Variants in ZNF83 observed in about 807,000 individuals in gnomAD.
The protein encoded by ZNF83 is zinc finger protein 816B.
For missense variants in ZNF83, 552 were observed against 629.9 expected, an observed-to-expected ratio of 0.88 and a Z score of 1.32; for synonymous variants, 209 against 213.0, an observed-to-expected ratio of 0.98 and a Z score of 0.17.
intron 3 of ZNF83, among the ~76,000 whole-genome samples, chr19:52,645,565 G>T (rs1033136612): frequency 3.3e-5 from 5 of 152,120 alleles, no homozygotes; most frequent in African/African-American, 1.2e-4. Context: ...CCAGCACTCT[G>T]GGAGGCAAAG....
chr19:52,641,012 TGAG>T (rs1415582491), upstream of ZNF83, among the ~76,000 whole-genome samples: 1 of 152,068 alleles, frequency 6.6e-6, no homozygotes, highest in Non-Finnish European at 1.5e-5. Flanking sequence ...GGGGCCCAGC[TGAG>T]GAGAGAGCCC....
intron 2 of ZNF83, among the ~76,000 whole-genome samples, chr19:52,631,685 A>G (rs2060967575): frequency 1.3e-5 from 2 of 152,142 alleles, no homozygotes; most frequent in South Asian, 4.1e-4. Context: ...TCTCTGATCC[A>G]TCTGACATTC....
chr19:52,654,058 T>G, intron 3 of ZNF83: 1 of 1,591,988 alleles, frequency 6.3e-7, no homozygotes, highest in Admixed American at 1.7e-5. Context: ...CTTCTCCACT[T>G]GATTATCAAT....
intron 1 of ZNF83, among the ~76,000 whole-genome samples, chr19:52,677,300 G>C (rs111482160): frequency 0.28 from 37,260 of 133,202 alleles, 5,218 homozygotes; most frequent in East Asian, 0.54. Flanking sequence ...CAGACAAATT[G>C]AGAAGTAAAA....
At chr19:52,659,643 C>T (rs1469383787) in intron 2 of ZNF83, among the ~76,000 whole-genome samples, 1 of 144,312 alleles carries the variant, frequency 6.9e-6, no homozygotes, top group Non-Finnish European at 1.5e-5. Context: ...CCAGAAGTCA[C>T]AGAAGTGAGT....
At position 52,654,026 on chromosome 19, in the gene ZNF83, C is replaced by T. The variant is rs917507989; in HGVS notation, c.-74+1535G>A. ...CAAGAAATTCTTTGGGATGTTGAAA[C>T]CAAGGAAGCATTGTTGATAGACTTC... On this transcript the variant is annotated intron_variant, in intron 3 of 5. Coordinates refer to the ZNF83 transcript ENST00000594682. The T allele has an allele frequency of 5.1e-6, 8 of 1,569,438 alleles. No homozygotes were observed. The African/African-American group carries it at 6.8e-5, about 13-fold the overall frequency.
chr19:52,664,034 A>G (rs2061613412), intron 1 of ZNF83, among the ~76,000 whole-genome samples: 1 of 152,200 alleles, frequency 6.6e-6, no homozygotes, highest in Non-Finnish European at 1.5e-5. Context: ...ACAGGCAAGC[A>G]TCACCATGCT....
At chr19:52,664,914 AAT>A (rs1247175863) in intron 1 of ZNF83, among the ~76,000 whole-genome samples, 1 of 152,126 alleles carries the variant, frequency 6.6e-6, no homozygotes, top group Non-Finnish European at 1.5e-5. Flanking sequence ...GAGTCAGGGA[AAT>A]AGTACCTCCC....
chr19:52,646,566 G>C (rs1568561254), intron 3 of ZNF83, among the ~76,000 whole-genome samples: 1 of 152,028 alleles, frequency 6.6e-6, no homozygotes, highest in African/African-American at 2.4e-5. Flanking sequence ...TAATTAATTA[G>C]TTAATTAAAT....
intron 2 of ZNF83, among the ~76,000 whole-genome samples, chr19:52,657,665 T>C (rs570813412): frequency 1.1e-4 from 16 of 152,156 alleles, no homozygotes; most frequent in African/African-American, 3.4e-4. Flanking sequence ...CTGACCAACA[T>C]AGAGAAACCC....
At chr19:52,619,801 T>C (rs1340982803) in intron 2 of ZNF83, among the ~76,000 whole-genome samples, 1 of 151,932 alleles carries the variant, frequency 6.6e-6, no homozygotes, top group African/African-American at 2.4e-5. Flanking sequence ...GCCGGAGACT[T>C]GCTTGATCCT....
intron 3 of ZNF83, chr19:52,653,954 G>A: frequency 8.1e-7 from 1 of 1,238,886 alleles, no homozygotes; most frequent in Non-Finnish European, 1.2e-6. Flanking sequence ...AATGAAGAAT[G>A]GAGAAAGTTC....
intron 1 of ZNF83, among the ~76,000 whole-genome samples, chr19:52,683,355 C>T (rs542883072): frequency 2.6e-5 from 4 of 152,012 alleles, no homozygotes; most frequent in African/African-American, 9.7e-5. Flanking sequence ...GAGGAGGTGG[C>T]CCTCGGGCTG....
At chr19:52,635,113 G>T (rs781738932) in exon 2 of ZNF83, 2 of 688,256 alleles carry the variant, frequency 2.9e-6, no homozygotes, top group Admixed American at 2.2e-5. Flanking sequence ...TTCCCCTTCC[G>T]GGTTTCTTCC....
At chr19:52,681,458 T>G (rs182238389) in intron 1 of ZNF83, among the ~76,000 whole-genome samples, 1 of 152,168 alleles carries the variant, frequency 6.6e-6, no homozygotes. Context: ...AACTGAAAAC[T>G]GTTGTGATGA....
chr19:52,644,026 C>A (rs1480611043), intron 3 of ZNF83, among the ~76,000 whole-genome samples: 1 of 152,138 alleles, frequency 6.6e-6, no homozygotes, highest in Non-Finnish European at 1.5e-5. Flanking sequence ...AGGAGTGGGG[C>A]TTTTGTCCTG....
intron 2 of ZNF83, among the ~76,000 whole-genome samples, chr19:52,616,097 C>G (rs2060295763): frequency 6.6e-6 from 1 of 152,202 alleles, no homozygotes; most frequent in Admixed American, 6.5e-5. Context: ...CTTGGGCTCC[C>G]AAAGTGCTGG....
chr19:52,686,184 T>C (rs2062012114), intron 1 of ZNF83, among the ~76,000 whole-genome samples: 2 of 151,926 alleles, frequency 1.3e-5, no homozygotes, highest in South Asian at 4.2e-4. Context: ...GTACCAAAGT[T>C]TTCCAATAAA....
chr19:52,685,560 A>G (rs187139477), intron 1 of ZNF83, among the ~76,000 whole-genome samples: 22 of 152,320 alleles, frequency 1.4e-4, no homozygotes, highest in African/African-American at 4.8e-4. Context: ...AGGGAAAGAA[A>G]GTCAGCTGTA....
Sources: gnomAD v4.1 joint callset for allele counts (sites outside exome capture counted in the v4.1 genomes callset) on GRCh38, gnomAD v4.1.1 for gene constraint, MANE v1.5 for transcripts, NCBI Gene and HGNC (gene_info 2026-07-23, HGNC 2026-07-21) for gene names.